The following PRAMEF15 variants were observed in gnomAD, a reference collection of about 807,000 sequenced individuals.
PRAMEF15 encodes the protein PRAME family member 9/15.
In PRAMEF15, 21 loss-of-function variants were observed where a neutral mutation model predicts 35.3. The observed-to-expected ratio is 0.59, with a 90% CI of 0.42 to 0.86. The LOEUF is 0.86. Ranked by LOEUF, PRAMEF15 falls within the 40% of genes least tolerant of loss-of-function variation. PRAMEF15 has a pLI of 0.00. For synonymous variants in PRAMEF15, 122 were observed against 223.3 expected (o/e 0.55, Z 4.05); for missense variants, 360 against 574.1 (o/e 0.63, Z 3.81).
At position 13,320,791 on chromosome 1, in the gene PRAMEF15, T is replaced by C. The variant is rs1156994565; in HGVS notation, c.875+838T>C. ...AAGTGGGCACTGAAGAGGGGAATGC[T>C]CAGCAAACCTGCACATGTCAGAAAA... On this transcript the variant is annotated intron_variant, in intron 3 of 3. Coordinates refer to ENST00000376152, the MANE Select transcript of PRAMEF15 (RefSeq NM_001098376.3). 1.3e-3 allele frequency among the ~76,000 whole-genome samples: 192 copies of C among 152,240 alleles called. 3 individuals are homozygous for C. The East Asian group carries it at 0.032, about 25-fold the overall frequency.
chr1:13,322,012 C>T lies in PRAMEF15; in HGVS notation c.1185C>T (p.Ala395=). ...TCTGTGGAAATCCCATCTGCATGGC[C>T]ACCCTGGAGAACCTGCTGAGCCACA... is the stretch of plus-strand genomic sequence containing the variant. The part of the protein sequence containing the change: ...FSFCGNPICM[A]TLENLLSHTI... The change falls in exon 4 of 4, where the codon GCC becomes GCT. Residue 395 remains alanine (A), a synonymous_variant. Coordinates refer to ENST00000376152, the MANE Select transcript of PRAMEF15 (RefSeq NM_001098376.3). The T allele has an allele frequency of 6.2e-7, 1 of 1,609,842 alleles. No homozygotes were observed. The highest frequency in any genetic ancestry group is 8.5e-7 in the Non-Finnish European group (1 of 1,178,856).
intron 3 of PRAMEF15, 131 bp downstream of exon 3, chr1:13,320,084 G>C: frequency 6.4e-7 from 1 of 1,568,158 alleles, no homozygotes; most frequent in South Asian, 1.2e-5. Flanking sequence ...TCCATGCATT[G>C]TCCTGTTGGT....
rs1370782159 is a variant in PRAMEF15, at chr1:13,322,451, T to C, written c.*187T>C. The stretch of plus-strand genomic sequence containing the variant: ...GGGGGAAATGTTGCCATGGATTCGA[T>C]GGGACTTTGGGGACCTGTGTCCTGT... On this transcript the variant is annotated 3_prime_UTR_variant, in exon 4 of 4. Transcript: ENST00000376152. 55 of 770,140 alleles carry C rather than the reference T, an allele frequency of 7.1e-5. 4 individuals are homozygous for C. Among genetic ancestry groups the C allele is most frequent in the Non-Finnish European group, 2.7e-5 (13 of 487,218 alleles). The allele number at this position is 770,140 out of a possible 1,614,324, so 47.7% of individuals were successfully genotyped here. A position where few individuals can be genotyped will look rare whatever the true frequency, so the allele number is the denominator to read the frequency against.
At position 13,322,527 on chromosome 1, in the gene PRAMEF15, A is replaced by T; in HGVS notation, c.*263A>T. 1.8e-6 allele frequency: 1 copy of T among 563,602 alleles called. No homozygotes were observed. The highest frequency in any genetic ancestry group is 3.1e-6 in the Non-Finnish European group (1 of 318,752). The allele number at this position is 563,602 out of a possible 1,614,324, so 34.9% of individuals were successfully genotyped here. ...TCTAGAGTGGAATTCAGGCTTGAGAATACATGAGGGAGTTACTCTTGCATG... is the reference window on the plus strand; with the variant it reads ...TCTAGAGTGGAATTCAGGCTTGAGATTACATGAGGGAGTTACTCTTGCATG... On this transcript the variant is annotated 3_prime_UTR_variant, in exon 4 of 4. Transcript: ENST00000376152.
intron 1 of PRAMEF15, 68 bp downstream of exon 1, chr1:13,315,726 G>A (rs1639993970): frequency 1.3e-5 from 2 of 150,842 alleles, no homozygotes; most frequent in African/African-American, 4.9e-5. Flanking sequence ...GATGGTGACA[G>A]TGCAGCCTAC....
intron 1 of PRAMEF15, among the ~76,000 whole-genome samples, chr1:13,318,162 G>C (rs1273520057): frequency 2.0e-5 from 3 of 152,116 alleles, no homozygotes; most frequent in African/African-American, 7.2e-5. Context: ...GCACTGGATA[G>C]AAAGGAAGGG....
intron 3 of PRAMEF15, among the ~76,000 whole-genome samples, chr1:13,320,776 T>C (rs1218259100): frequency 6.6e-6 from 1 of 152,122 alleles, no homozygotes; most frequent in Non-Finnish European, 1.5e-5. Context: ...AAGTGGGCAC[T>C]GAAGAGGGGA....
intron 1 of PRAMEF15, among the ~76,000 whole-genome samples, chr1:13,317,915 AAG>A (rs1171847380): frequency 0.02 from 3,006 of 148,236 alleles, 107 homozygotes; most frequent in African/African-American, 0.07. Flanking sequence ...GGAAAGAAGA[AAG>A]AGAGAGAAAG....
At chr1:13,318,365 C>G in intron 1 of PRAMEF15, 27 bp from the exon 2 acceptor site, 2 of 1,549,100 alleles carry the variant, frequency 1.3e-6, no homozygotes, top group South Asian at 1.2e-5. Flanking sequence ...AGAGTGATGC[C>G]TCTTCTCTGG....
At chr1:13,317,625 A>G (rs1640023370) in intron 1 of PRAMEF15, among the ~76,000 whole-genome samples, 1 of 151,890 alleles carries the variant, frequency 6.6e-6, no homozygotes, top group Admixed American at 6.6e-5. Context: ...AAAAAATAGA[A>G]GATGAGCTGG....
intron 1 of PRAMEF15, among the ~76,000 whole-genome samples, chr1:13,316,912 C>T (rs1264974695): frequency 6.7e-6 from 1 of 150,112 alleles, no homozygotes; most frequent in Non-Finnish European, 1.5e-5. Flanking sequence ...AGTAAAACTC[C>T]ATGTTTGTGA....
intron 3 of PRAMEF15, 60 bp from the exon 4 acceptor site, chr1:13,321,643 C>T (rs1312053680): frequency 3.2e-6 from 5 of 1,576,750 alleles, no homozygotes; most frequent in African/African-American, 2.7e-5. Flanking sequence ...AGCCATTCCC[C>T]ACCACCCTCC....
At chr1:13,317,128 G>A (rs1181519043) in intron 1 of PRAMEF15, among the ~76,000 whole-genome samples, 1,773 of 149,254 alleles carry the variant, frequency 0.012, 15 homozygotes, top group African/African-American at 0.042. Flanking sequence ...GGAGTGGAGT[G>A]GTATAATGTC....
At chr1:13,320,045 G>A (rs1328363548) in intron 3 of PRAMEF15, 92 bp downstream of exon 3, 3 of 1,601,658 alleles carry the variant, frequency 1.9e-6, no homozygotes, top group Non-Finnish European at 1.7e-6. Context: ...AGCCTATGAG[G>A]ATGAAACAGT....
chr1:13,322,390 T>A lies in PRAMEF15; in HGVS notation c.*126T>A. The A allele has an allele frequency of 1.4e-6, 1 of 709,810 alleles. No individual in the cohort carries two copies. 44.0% of individuals were successfully genotyped at this position (709,810 alleles called of 1,614,324 possible). A position where few individuals can be genotyped will look rare whatever the true frequency, so the allele number is the denominator to read the frequency against. On this transcript the variant is annotated 3_prime_UTR_variant, in exon 4 of 4. Transcript: ENST00000376152. ...TCATTTCACACATAGGCTCTGAAAG[T>A]GGGAAAGGAAAGCTGATCAAGCAGG... is the stretch of plus-strand genomic sequence containing the variant.
Position 13,318,407 on chromosome 1 carries a change from C to T in PRAMEF15, c.-1C>T. ...CCTCTGGAAGTTTTCCCTGCAGATTCATGAAGATGAGCATCCGGACTCCAC... is the reference window on the plus strand; with the variant it reads ...CCTCTGGAAGTTTTCCCTGCAGATTTATGAAGATGAGCATCCGGACTCCAC... On this transcript the variant is annotated 5_prime_UTR_variant, in exon 2 of 4. Transcript: ENST00000376152. 6.2e-7 allele frequency: 1 copy of T among 1,612,334 alleles called. No homozygotes were observed. The highest frequency in any genetic ancestry group is 1.3e-5 in the African/African-American group (1 of 74,930).
chr1:13,320,838 T>C (rs1266393145), intron 3 of PRAMEF15, among the ~76,000 whole-genome samples: 4 of 152,150 alleles, frequency 2.6e-5, no homozygotes, highest in Admixed American at 6.6e-5. Context: ...CCCCACAGTT[T>C]TGTGAACATG....
At chr1:13,318,135 A>T (rs1640030684) in intron 1 of PRAMEF15, among the ~76,000 whole-genome samples, 1 of 151,940 alleles carries the variant, frequency 6.6e-6, no homozygotes, top group Non-Finnish European at 1.5e-5. Context: ...CTCCATACTC[A>T]CTAGTCACTG....
At chr1:13,317,381 G>A (rs1452958361) in intron 1 of PRAMEF15, among the ~76,000 whole-genome samples, 1 of 151,890 alleles carries the variant, frequency 6.6e-6, no homozygotes, top group Non-Finnish European at 1.5e-5. Context: ...AAATGGTTCA[G>A]TTTGAACATG....
Sources: allele counts gnomAD v4.1 joint callset (sites outside exome capture counted in the v4.1 genomes callset), GRCh38; gene constraint gnomAD v4.1.1; transcripts MANE v1.5; gene names NCBI Gene and HGNC (gene_info 2026-07-23, HGNC 2026-07-21).